APP: variants seen among roughly 807,000 people sequenced by gnomAD.
APP encodes the protein amyloid-beta precursor protein.
In APP, 31 loss-of-function variants were observed where a neutral mutation model predicts 101.4. The ratio of observed to expected loss-of-function variants is 0.31; its 90% confidence interval spans 0.23 to 0.41. The LOEUF is 0.41. Among genes scored for constraint, APP ranks in the 10% least tolerant of loss-of-function variants. The pLI, the probability that APP is intolerant of heterozygous loss-of-function variation, is 1.00. For missense variants in APP, 839 were observed against 1,003.7 expected (o/e 0.84, Z 2.22); for synonymous variants, 366 against 364.4 (o/e 1.00, Z -0.05).
intron 5 of APP, among the ~76,000 whole-genome samples, chr21:26,032,353 GA>G (rs1181029516): frequency 1.3e-5 from 2 of 152,148 alleles, no homozygotes; most frequent in Admixed American, 1.3e-4. Context: ...CTTTCTCAAG[GA>G]ACGACTACAC....
intron 13 of APP, among the ~76,000 whole-genome samples, chr21:25,947,447 C>CA (rs1268639718): frequency 2.4e-4 from 36 of 152,266 alleles, no homozygotes; most frequent in African/African-American, 7.2e-4. Context: ...CATGGCAGTC[C>CA]AAATGTCAGA....
At chr21:26,022,571 C>T (rs115685071) in intron 5 of APP, among the ~76,000 whole-genome samples, 3,349 of 151,888 alleles carry the variant, frequency 0.022, 111 homozygotes, top group African/African-American at 0.077. Context: ...CCAGGGGAAA[C>T]TGTTGGGGAG....
At chr21:26,087,618 A>AT (rs1325165558) in intron 3 of APP, among the ~76,000 whole-genome samples, 4 of 152,218 alleles carry the variant, frequency 2.6e-5, no homozygotes, top group Non-Finnish European at 5.9e-5. Flanking sequence ...AGAAAGAATT[A>AT]TTTTATAGGC....
chr21:26,086,959 TTGTATAGCC>T (rs1316082969), intron 3 of APP, among the ~76,000 whole-genome samples: 2 of 152,234 alleles, frequency 1.3e-5, no homozygotes, highest in African/African-American at 4.8e-5. Context: ...ATCTTGGTAG[TTGTATAGCC>T]TGTGAAGAGA....
intron 1 of APP, among the ~76,000 whole-genome samples, chr21:26,134,550 C>T (rs544181055): frequency 4.9e-4 from 75 of 152,200 alleles, no homozygotes; most frequent in African/African-American, 1.6e-3. Context: ...GAAGAGAAAA[C>T]GAGATTCCAT....
chr21:26,024,141 G>T (rs1297489128), intron 5 of APP, among the ~76,000 whole-genome samples: 3 of 152,120 alleles, frequency 2.0e-5, no homozygotes, highest in African/African-American at 7.2e-5. Context: ...CCACCTAGCA[G>T]GACTAGAGGA....
At chr21:26,167,859 G>A (rs1444544057) in intron 1 of APP, among the ~76,000 whole-genome samples, 1 of 152,104 alleles carries the variant, frequency 6.6e-6, no homozygotes, top group African/African-American at 2.4e-5. Flanking sequence ...AAAAGCTTCT[G>A]CAGTCTGCCA....
chr21:25,885,695 A>T (rs549275269), intron 17 of APP, among the ~76,000 whole-genome samples: 1 of 152,184 alleles, frequency 6.6e-6, no homozygotes, highest in South Asian at 2.1e-4. Flanking sequence ...CACACGCTGA[A>T]AAGAGCTGAG....
intron 5 of APP, among the ~76,000 whole-genome samples, chr21:26,031,414 G>GT (rs2044815205): frequency 6.6e-6 from 1 of 152,190 alleles, no homozygotes; most frequent in Non-Finnish European, 1.5e-5. Context: ...TTAAGGAAGT[G>GT]TATCAGTCTG....
chr21:26,053,319 C>G lies in APP; in HGVS notation c.385G>C (p.Val129Leu). The change falls in exon 4 of 18, where the codon GTT becomes CTT. Residue 129 changes from valine to leucine, a missense_variant. Coordinates refer to ENST00000346798, the MANE Select transcript of APP (RefSeq NM_000484.4). Reference protein sequence around the residue: ...VGEFVSDALLVPDKCKFLHQE... With the variant: ...VGEFVSDALLLPDKCKFLHQE... ...TGTAAGAATTTGCACTTGTCAGGAA[C>G]GAGAAGGGCATCACTTACAAACTCA... 1.2e-6 allele frequency: 2 copies of G among 1,613,478 alleles called. No homozygotes were observed. The highest frequency in any genetic ancestry group is 1.7e-6 in the Non-Finnish European group (2 of 1,179,470).
intron 15 of APP, among the ~76,000 whole-genome samples, chr21:25,901,295 TTAA>T (rs1440222798): frequency 0.035 from 2,623 of 75,000 alleles, 108 homozygotes; most frequent in East Asian, 0.2. Flanking sequence ...AAATCCTGTT[TTAA>T]AAAAAAAAAA....
intron 14 of APP, among the ~76,000 whole-genome samples, chr21:25,906,835 C>A (rs896308144): frequency 2.0e-5 from 3 of 152,186 alleles, no homozygotes; most frequent in African/African-American, 7.2e-5. Flanking sequence ...CGAGGGCAAA[C>A]GCGTACCTTG....
intron 3 of APP, among the ~76,000 whole-genome samples, chr21:26,079,598 G>A (rs1195950917): frequency 1.3e-5 from 2 of 152,074 alleles, no homozygotes; most frequent in African/African-American, 2.4e-5. Flanking sequence ...TAAATCTGAC[G>A]GCATTTTTAT....
intron 9 of APP, among the ~76,000 whole-genome samples, chr21:25,979,807 A>AT (rs1250746369): frequency 6.9e-5 from 6 of 87,326 alleles, no homozygotes; most frequent in African/African-American, 2.5e-4. Flanking sequence ...TTAAAAAAAC[A>AT]CACATTAAAA....
At chr21:26,076,980 G>A (rs866504198) in intron 3 of APP, among the ~76,000 whole-genome samples, 3 of 151,490 alleles carry the variant, frequency 2.0e-5, no homozygotes, top group South Asian at 2.1e-4. Flanking sequence ...GGAGAATGGC[G>A]TGAACCCAGG....
intron 2 of APP, among the ~76,000 whole-genome samples, chr21:26,107,777 T>C (rs1010806506): frequency 3.3e-5 from 5 of 152,220 alleles, no homozygotes; most frequent in African/African-American, 1.2e-4. Flanking sequence ...ACTGTCACCA[T>C]GTAGTTTTTA....
chr21:26,100,918 GGCTT>G (rs1568974796), intron 2 of APP, among the ~76,000 whole-genome samples: 2 of 152,126 alleles, frequency 1.3e-5, no homozygotes, highest in African/African-American at 4.8e-5. Context: ...CTGCATTTGA[GGCTT>G]AACCTGTTCA....
chr21:26,119,538 C>T (rs978617102), intron 1 of APP, among the ~76,000 whole-genome samples: 1 of 152,236 alleles, frequency 6.6e-6, no homozygotes, highest in Non-Finnish European at 1.5e-5. Context: ...AATGTTCCAA[C>T]TACTAATGTT....
chr21:26,144,112 G>T (rs978375160), intron 1 of APP, among the ~76,000 whole-genome samples: 6 of 152,032 alleles, frequency 3.9e-5, no homozygotes, highest in Non-Finnish European at 8.8e-5. Flanking sequence ...GCAAAAGGGG[G>T]GAAAAGTCCC....
Sources: allele counts gnomAD v4.1 joint callset (sites outside exome capture counted in the v4.1 genomes callset), GRCh38; gene constraint gnomAD v4.1.1; transcripts MANE v1.5; gene names NCBI Gene and HGNC (gene_info 2026-07-23, HGNC 2026-07-21).